EYS: variants seen among roughly 807,000 people sequenced by gnomAD.
The protein encoded by EYS is protein eyes shut homolog.
A neutral mutation model predicts 282.1 loss-of-function variants in EYS; 250 were observed. The ratio of observed to expected loss-of-function variants is 0.89; its 90% CI spans 0.80 to 0.98. The LOEUF is 0.98. EYS is among the 50% of genes least tolerant of loss of function. The probability of loss-of-function intolerance (pLI) is 0.00; values close to 1 mark genes in which losing one functional copy is unlikely to be tolerated. For synonymous variants in EYS, 1,355 were observed against 1,282.9 expected (o/e 1.06, Z -1.20); for missense variants, 4,016 against 3,709.0 (o/e 1.08, Z -2.15).
chr6:64,780,601 G>T (rs369189922), intron 22 of EYS, among the ~76,000 whole-genome samples: 1 of 152,060 alleles, frequency 6.6e-6, no homozygotes, highest in Admixed American at 6.6e-5. Flanking sequence ...TGCATTAGAA[G>T]CCAAACCTCA....
At chr6:65,024,295 C>A (rs976470441) in intron 13 of EYS, among the ~76,000 whole-genome samples, 1 of 152,080 alleles carries the variant, frequency 6.6e-6, no homozygotes, top group Non-Finnish European at 1.5e-5. Context: ...AATGGCAAAA[C>A]CTTACAACTT....
intron 22 of EYS, among the ~76,000 whole-genome samples, chr6:64,782,020 A>T (rs1773878655): frequency 6.6e-6 from 1 of 152,134 alleles, no homozygotes; most frequent in Non-Finnish European, 1.5e-5. Context: ...TTTGGGCCTC[A>T]ATTTCTTCAC....
At chr6:65,399,751 A>C (rs1413626299) in intron 7 of EYS, among the ~76,000 whole-genome samples, 1 of 152,064 alleles carries the variant, frequency 6.6e-6, no homozygotes, top group Non-Finnish European at 1.5e-5. Context: ...AAACAGACTA[A>C]ACCAATGCAG....
rs184092774 is a variant in EYS at position 64,418,310 on chromosome 6, T to A, written c.5927+17864A>T. Among the ~76,000 whole-genome samples, 16 of 152,350 alleles carry A rather than the reference T, an allele frequency of 1.1e-4. No homozygotes were observed. The East Asian group carries it at 3.1e-3, about 29-fold the overall frequency. Reference sequence around the variant, plus strand: ...CACTTGATACATATTAAAGTATGTATCTTAAGAAGCTTCAGAGTAATACTT... The same window carrying A: ...CACTTGATACATATTAAAGTATGTAACTTAAGAAGCTTCAGAGTAATACTT... On this transcript the variant is annotated intron_variant, in intron 28 of 42. Coordinates refer to ENST00000503581, the MANE Select transcript of EYS (RefSeq NM_001142800.2).
At chr6:63,886,673 C>T (rs1017057184) in intron 35 of EYS, among the ~76,000 whole-genome samples, 3 of 152,122 alleles carry the variant, frequency 2.0e-5, no homozygotes, top group African/African-American at 7.2e-5. Flanking sequence ...ACACTTCGAT[C>T]TATATACTGA....
At chr6:65,351,786 A>G (rs2150325799) in intron 9 of EYS, among the ~76,000 whole-genome samples, 1 of 151,816 alleles carries the variant, frequency 6.6e-6, no homozygotes, top group African/African-American at 2.4e-5. Context: ...AACCTCAAAA[A>G]ATACTCTGTG....
intron 22 of EYS, among the ~76,000 whole-genome samples, chr6:64,793,369 A>G (rs1774248403): frequency 6.6e-6 from 1 of 152,188 alleles, no homozygotes; most frequent in East Asian, 1.9e-4. Context: ...TTAAAAATTA[A>G]GTATGACCTG....
chr6:64,454,102 C>T (rs1424653097), intron 26 of EYS, among the ~76,000 whole-genome samples: 1 of 152,102 alleles, frequency 6.6e-6, no homozygotes, highest in Non-Finnish European at 1.5e-5. Flanking sequence ...TTTGGCCTTG[C>T]AATGTAGAGT....
At chr6:65,304,059 A>T in intron 11 of EYS, 1 of 1,373,442 alleles carries the variant, frequency 7.3e-7, no homozygotes, top group East Asian at 2.3e-5. Context: ...CGAATCACCA[A>T]AAGAACATGG....
intron 2 of EYS, among the ~76,000 whole-genome samples, chr6:65,585,556 TAATACAATGC>T (rs1388384270): frequency 6.6e-6 from 1 of 151,988 alleles, no homozygotes; most frequent in Admixed American, 6.6e-5. Flanking sequence ...GTTAAATAAA[TAATACAATGC>T]AATTCAGTAT....
chr6:64,607,502 T>C (rs1026681469), intron 24 of EYS, among the ~76,000 whole-genome samples: 1 of 152,022 alleles, frequency 6.6e-6, no homozygotes, highest in Non-Finnish European at 1.5e-5. Context: ...AGGGACTATC[T>C]AGTTATCTGC....
intron 12 of EYS, among the ~76,000 whole-genome samples, chr6:65,109,049 A>T (rs6455025): frequency 6.6e-6 from 1 of 151,686 alleles, no homozygotes; most frequent in African/African-American, 2.4e-5. Context: ...CTTTCTCCTT[A>T]TCTCGCTGAG....
chr6:64,805,832 C>A (rs1764404608), intron 22 of EYS, among the ~76,000 whole-genome samples: 1 of 149,590 alleles, frequency 6.7e-6, no homozygotes, highest in South Asian at 2.1e-4. Context: ...TTTAAAAATC[C>A]CAAGGAAATT....
chr6:63,901,982 C>T (rs1353251025), intron 35 of EYS, among the ~76,000 whole-genome samples: 3 of 151,974 alleles, frequency 2.0e-5, no homozygotes, highest in Non-Finnish European at 2.9e-5. Flanking sequence ...AACTTCTGCC[C>T]CCCTGGTTCA....
At chr6:65,546,958 C>T (rs780942265) in intron 2 of EYS, among the ~76,000 whole-genome samples, 1 of 151,992 alleles carries the variant, frequency 6.6e-6, no homozygotes, top group Non-Finnish European at 1.5e-5. Context: ...CTCTACTACT[C>T]CTTCAGAGTT....
At chr6:65,170,228 G>GCA (rs148028482) in intron 12 of EYS, among the ~76,000 whole-genome samples, 3,132 of 148,640 alleles carry the variant, frequency 0.021, 78 homozygotes, top group African/African-American at 0.066. Flanking sequence ...GCGCGTGCAC[G>GCA]CACACACACA....
At chr6:64,911,998 T>C (rs539693536) in intron 16 of EYS, among the ~76,000 whole-genome samples, 34 of 152,216 alleles carry the variant, frequency 2.2e-4, no homozygotes, top group Non-Finnish European at 3.5e-4. Flanking sequence ...TTGCATAGGA[T>C]TTCTCTCTTG....
chr6:65,413,271 C>T (rs1202504743), intron 5 of EYS, among the ~76,000 whole-genome samples: 1 of 152,032 alleles, frequency 6.6e-6, no homozygotes, highest in African/African-American at 2.4e-5. Context: ...TGTCTATTGA[C>T]ACTGATTATA....
intron 2 of EYS, among the ~76,000 whole-genome samples, chr6:65,628,100 G>A (rs994969494): frequency 6.6e-6 from 1 of 152,170 alleles, no homozygotes; most frequent in African/African-American, 2.4e-5. Context: ...GTTTGTGAGT[G>A]CACCAGTGGA....
Sources: gnomAD v4.1 joint callset for allele counts (sites outside exome capture counted in the v4.1 genomes callset) on GRCh38, gnomAD v4.1.1 for gene constraint, MANE v1.5 for transcripts, NCBI Gene and HGNC (gene_info 2026-07-23, HGNC 2026-07-21) for gene names.